Variants in CNTNAP2 observed in about 807,000 individuals in gnomAD.
CNTNAP2 encodes the protein contactin associated protein 2.
A neutral mutation model predicts 155.2 loss-of-function variants in CNTNAP2; 98 were observed. The ratio of observed to expected loss-of-function variants is 0.63; its 90% CI spans 0.54 to 0.75. CNTNAP2 has a LOEUF of 0.75. Among genes scored for constraint, CNTNAP2 ranks in the 30% least tolerant of loss-of-function variants. The probability of loss-of-function intolerance (pLI) is 0.00; values close to 1 mark genes in which losing one functional copy is unlikely to be tolerated. For synonymous variants in CNTNAP2, 651 were observed against 631.2 expected, an observed-to-expected ratio of 1.03 and a Z score of -0.47; for missense variants, 1,727 against 1,688.1, an observed-to-expected ratio of 1.02 and a Z score of -0.40.
chr7:147,316,924 T>A (rs959632436), intron 9 of CNTNAP2, among the ~76,000 whole-genome samples: 1 of 152,238 alleles, frequency 6.6e-6, no homozygotes, highest in African/African-American at 2.4e-5. Flanking sequence ...AATATTTTAA[T>A]ACAATACAAA....
rs553467036 is a variant in CNTNAP2, at chr7:146,704,036, G to A, written c.98-70235G>A. On this transcript the variant is annotated intron_variant, in intron 1 of 23. Transcript: ENST00000361727. ...TATGTCTACTTTGATTGTTACCTGT[G>A]TTGTATTTTTAAATAGACTCTGAAC... 2.6e-5 allele frequency among the ~76,000 whole-genome samples: 4 copies of A among 152,102 alleles called. No homozygotes were observed. The East Asian group carries it at 7.7e-4, about 29-fold the overall frequency.
chr7:147,228,737 A>G (rs911190410), intron 8 of CNTNAP2, among the ~76,000 whole-genome samples: 6 of 152,068 alleles, frequency 3.9e-5, no homozygotes, highest in African/African-American at 1.4e-4. Flanking sequence ...TACACGTGCC[A>G]TGGTGGTTTG....
Position 147,210,946 on chromosome 7 carries a change from G to A in CNTNAP2, c.1348+78437G>A, listed in dbSNP as rs556008900. Among the ~76,000 whole-genome samples, 12 of 150,940 alleles carry A rather than the reference G, an allele frequency of 8.0e-5. No individual in the cohort carries two copies. In the East Asian group the frequency reaches 1.4e-3, roughly 17 times the overall value. On this transcript the variant is annotated intron_variant, in intron 8 of 23. Transcript: ENST00000361727. ...ACTGTGATCTGAGAGAGTATGCTTCGTATGATTTAGATTTTTTTGTATTTA... is the reference window on the plus strand; with the variant it reads ...ACTGTGATCTGAGAGAGTATGCTTCATATGATTTAGATTTTTTTGTATTTA...
At chr7:147,567,536 A>C (rs921864425) in intron 12 of CNTNAP2, among the ~76,000 whole-genome samples, 4 of 152,206 alleles carry the variant, frequency 2.6e-5, no homozygotes, top group Admixed American at 1.3e-4. Flanking sequence ...ATGGAGACTT[A>C]AAGTAGTGGC....
At chr7:146,160,790 C>T (rs1261146282) in intron 1 of CNTNAP2, among the ~76,000 whole-genome samples, 2 of 152,114 alleles carry the variant, frequency 1.3e-5, no homozygotes, top group Admixed American at 6.5e-5. Flanking sequence ...GGATCTGGTA[C>T]CATTCCTTCT....
intron 8 of CNTNAP2, among the ~76,000 whole-genome samples, chr7:147,217,884 T>C (rs902858193): frequency 2.0e-5 from 3 of 151,988 alleles, no homozygotes; most frequent in African/African-American, 7.2e-5. Flanking sequence ...TTTTATTTTC[T>C]TTCAAGGAAT....
At chr7:147,694,396 A>G (rs978788214) in intron 13 of CNTNAP2, among the ~76,000 whole-genome samples, 1 of 152,090 alleles carries the variant, frequency 6.6e-6, no homozygotes, top group Non-Finnish European at 1.5e-5. Context: ...TCTACCTTCT[A>G]GATAAGATTC....
At chr7:147,401,774 C>T (rs1405509917) in intron 10 of CNTNAP2, among the ~76,000 whole-genome samples, 1 of 152,172 alleles carries the variant, frequency 6.6e-6, no homozygotes, top group Non-Finnish European at 1.5e-5. Context: ...CACTCACTCT[C>T]TCTCCTGCTG....
At chr7:147,093,321 A>T (rs1170070177) in intron 4 of CNTNAP2, among the ~76,000 whole-genome samples, 2 of 151,758 alleles carry the variant, frequency 1.3e-5, no homozygotes, top group East Asian at 3.9e-4. Context: ...ATTTTTGAAG[A>T]GATTTGCTGT....
intron 14 of CNTNAP2, among the ~76,000 whole-genome samples, chr7:147,972,498 T>TA (rs1400933842): frequency 6.6e-6 from 1 of 151,842 alleles, no homozygotes; most frequent in Non-Finnish European, 1.5e-5. Flanking sequence ...CTCAGCACAA[T>TA]AAAAAAGTCA....
chr7:147,972,039 T>C (rs1801342384), intron 14 of CNTNAP2, among the ~76,000 whole-genome samples: 4 of 152,218 alleles, frequency 2.6e-5, no homozygotes, highest in Non-Finnish European at 4.4e-5. Context: ...CTTTTGATTA[T>C]AGCTATCTTG....
At chr7:147,228,097 T>C (rs560487522) in intron 8 of CNTNAP2, among the ~76,000 whole-genome samples, 5 of 152,160 alleles carry the variant, frequency 3.3e-5, no homozygotes, top group African/African-American at 7.2e-5. Context: ...TGCTGCTGAA[T>C]AGTCATTAAG....
At chr7:148,026,295 A>T (rs9640248) in intron 15 of CNTNAP2, among the ~76,000 whole-genome samples, 42,359 of 151,230 alleles carry the variant, frequency 0.28, 6,895 homozygotes, top group East Asian at 0.49. Flanking sequence ...CAAAAAAAAA[A>T]TTTTTTTTAA....
chr7:146,940,809 G>T (rs368904634), intron 3 of CNTNAP2, among the ~76,000 whole-genome samples: 11 of 143,380 alleles, frequency 7.7e-5, no homozygotes, highest in African/African-American at 2.3e-4. Flanking sequence ...TTATATATAT[G>T]TGTGTGTGTG....
chr7:147,408,498 C>T (rs559734756), intron 10 of CNTNAP2, among the ~76,000 whole-genome samples: 29 of 152,322 alleles, frequency 1.9e-4, no homozygotes, highest in African/African-American at 6.0e-4. Context: ...TGGTGGCTCA[C>T]GCCTCTAATC....
chr7:146,415,740 C>G (rs1795929508), intron 1 of CNTNAP2, among the ~76,000 whole-genome samples: 1 of 151,822 alleles, frequency 6.6e-6, no homozygotes, highest in Non-Finnish European at 1.5e-5. Flanking sequence ...CATGCTATTC[C>G]TTATTTTAAT....
At chr7:147,902,814 ATGTGTGTGTG>A (rs71183034) in intron 13 of CNTNAP2, among the ~76,000 whole-genome samples, 1 of 127,326 alleles carries the variant, frequency 7.9e-6, no homozygotes, top group Non-Finnish European at 1.6e-5. Flanking sequence ...GTGTGTGTGT[ATGTGTGTGTG>A]TGTGTGTGTG....
At chr7:147,780,476 A>G (rs1236653925) in intron 13 of CNTNAP2, among the ~76,000 whole-genome samples, 2 of 152,218 alleles carry the variant, frequency 1.3e-5, no homozygotes, top group African/African-American at 4.8e-5. Flanking sequence ...ATCTACATCT[A>G]GCCACAGAAA....
chr7:147,708,108 A>G (rs2117012333), intron 13 of CNTNAP2, among the ~76,000 whole-genome samples: 1 of 152,166 alleles, frequency 6.6e-6, no homozygotes, highest in East Asian at 1.9e-4. Context: ...TGTTTGAGAG[A>G]AGGCAGCAGC....
Sources: gnomAD v4.1 joint callset for allele counts (sites outside exome capture counted in the v4.1 genomes callset) on GRCh38, gnomAD v4.1.1 for gene constraint, MANE v1.5 for transcripts, NCBI Gene and HGNC (gene_info 2026-07-23, HGNC 2026-07-21) for gene names.